Variants in HSD17B14 observed in about 807,000 individuals in gnomAD.
The protein encoded by HSD17B14 is L-fucose dehydrogenase.
HSD17B14 carries 32 observed loss-of-function variants against 32.2 expected under a neutral mutation model. The observed-to-expected ratio is 0.99, with a 90% CI of 0.75 to 1.33. The LOEUF is 1.33. Ranked by LOEUF, HSD17B14 falls within the 40% of genes most tolerant of loss-of-function variation. The pLI is 0.00. For missense variants in HSD17B14, 370 were observed against 366.5 expected (o/e 1.01, Z -0.08); for synonymous variants, 140 against 155.4 (o/e 0.90, Z 0.74).
At chr19:48,813,761 A>T in intron 6 of HSD17B14, 31 bp from the exon 7 acceptor site, 1 of 1,612,926 alleles carries the variant, frequency 6.2e-7, no homozygotes. Context: ...AAGAAAGTTC[A>T]GTCCCCGGGA....
chr19:48,820,963 A>C (rs978683512), intron 5 of HSD17B14, among the ~76,000 whole-genome samples: 1 of 151,998 alleles, frequency 6.6e-6, no homozygotes, highest in Non-Finnish European at 1.5e-5. Flanking sequence ...GGGCCTCCCA[A>C]AATGCTAGGA....
intron 5 of HSD17B14, among the ~76,000 whole-genome samples, chr19:48,822,364 G>A (rs1400739969): frequency 1.3e-5 from 2 of 150,952 alleles, no homozygotes; most frequent in Non-Finnish European, 1.5e-5. Context: ...TGGCAATGAT[G>A]GTGATGCTGA....
At chr19:48,818,900 C>T (rs115460069) in intron 5 of HSD17B14, among the ~76,000 whole-genome samples, 5 of 152,132 alleles carry the variant, frequency 3.3e-5, no homozygotes, top group Admixed American at 2.6e-4. Flanking sequence ...CCAGTGTGGC[C>T]GGAGGTGAGG....
intron 5 of HSD17B14, among the ~76,000 whole-genome samples, chr19:48,820,934 C>T (rs1190810758): frequency 2.6e-5 from 4 of 151,952 alleles, no homozygotes; most frequent in African/African-American, 7.2e-5. Flanking sequence ...AAACCCCTGA[C>T]CTTGTGATCT....
intron 3 of HSD17B14, 166 bp from the exon 4 acceptor site, chr19:48,832,898 C>T (rs3760787): frequency 0.24 from 146,833 of 617,984 alleles, 18,079 homozygotes; most frequent in South Asian, 0.26. Context: ...GGATTACAGG[C>T]GACTGCCACC....
At chr19:48,813,585 C>T in intron 7 of HSD17B14, 33 bp from the exon 8 acceptor site, 1 of 1,612,860 alleles carries the variant, frequency 6.2e-7, no homozygotes, top group Non-Finnish European at 8.5e-7. Flanking sequence ...TCAAAGCAAT[C>T]TGTCTCGAAC....
At chr19:48,816,431 T>C (rs1025797485) in intron 5 of HSD17B14, among the ~76,000 whole-genome samples, 4 of 152,218 alleles carry the variant, frequency 2.6e-5, no homozygotes, top group African/African-American at 9.6e-5. Context: ...TTGAACTTGC[T>C]GTTCCCTCTG....
chr19:48,826,542 T>TACACACACAC (rs374655614), intron 5 of HSD17B14, among the ~76,000 whole-genome samples: 5 of 80,118 alleles, frequency 6.2e-5, no homozygotes, highest in African/African-American at 2.6e-4. Flanking sequence ...TATATATATA[T>TACACACACAC]ACACACACAC....
chr19:48,836,470 C>G lies in HSD17B14; in HGVS notation c.-59G>C, dbSNP rs1157501263. ...TGGGCCTCTTTCACCTCCAAAGCCCCGTGAGGCCGTCGCATCAAATCCTCA... is the reference window on the plus strand; with the variant it reads ...TGGGCCTCTTTCACCTCCAAAGCCCGGTGAGGCCGTCGCATCAAATCCTCA... On this transcript the variant is annotated 5_prime_UTR_variant, in exon 1 of 9. Coordinates refer to ENST00000263278, the MANE Select transcript of HSD17B14 (RefSeq NM_016246.3). 1.5e-5 allele frequency: 23 copies of G among 1,551,776 alleles called. No individual in the cohort carries two copies. The highest frequency in any genetic ancestry group is 1.9e-5 in the Non-Finnish European group (21 of 1,129,180).
intron 6 of HSD17B14, 143 bp downstream of exon 6, chr19:48,814,894 G>T: frequency 1.7e-6 from 1 of 595,512 alleles, no homozygotes; most frequent in Non-Finnish European, 3.1e-6. Flanking sequence ...AGGCAGTTAT[G>T]CCTGGGTGCT....
At chr19:48,829,485 G>A (rs1211607099) in intron 5 of HSD17B14, among the ~76,000 whole-genome samples, 2 of 151,816 alleles carry the variant, frequency 1.3e-5, no homozygotes, top group Non-Finnish European at 2.9e-5. Flanking sequence ...TTGAGTAGCT[G>A]GGATTACAGG....
chr19:48,825,116 T>C (rs2122772182), intron 5 of HSD17B14, among the ~76,000 whole-genome samples: 1 of 151,612 alleles, frequency 6.6e-6, no homozygotes, highest in South Asian at 2.1e-4. Flanking sequence ...CGTGTGCCTG[T>C]AGTCCCAGCT....
intron 5 of HSD17B14, among the ~76,000 whole-genome samples, chr19:48,825,338 T>C (rs1172484724): frequency 6.6e-6 from 1 of 151,682 alleles, no homozygotes; most frequent in Non-Finnish European, 1.5e-5. Context: ...TTGAGACAAG[T>C]TCTTACTCTG....
chr19:48,816,810 TC>T (rs1225659616), intron 5 of HSD17B14, among the ~76,000 whole-genome samples: 2 of 86,316 alleles, frequency 2.3e-5, no homozygotes, highest in African/African-American at 1.0e-4. Context: ...TTTCTTTCTT[TC>T]TTTCTTTCTT....
intron 5 of HSD17B14, among the ~76,000 whole-genome samples, chr19:48,819,970 G>A (rs1399622005): frequency 6.6e-6 from 1 of 151,750 alleles, no homozygotes; most frequent in Non-Finnish European, 1.5e-5. Flanking sequence ...ACAACATGGT[G>A]AGACTCCCTC....
intron 2 of HSD17B14, 128 bp from the exon 3 acceptor site, chr19:48,834,486 G>A (rs989857200): frequency 2.9e-5 from 14 of 480,540 alleles, no homozygotes; most frequent in Admixed American, 1.4e-4. Flanking sequence ...GGGAGGAGGG[G>A]CTGAGGTCTG....
intron 4 of HSD17B14, 82 bp from the exon 5 acceptor site, chr19:48,831,841 A>T: frequency 2.6e-6 from 2 of 774,112 alleles, no homozygotes; most frequent in Non-Finnish European, 4.5e-6. Context: ...GCACTTTGGG[A>T]GGCTGAGGCA....
intron 5 of HSD17B14, among the ~76,000 whole-genome samples, chr19:48,823,643 C>T (rs1599834222): frequency 7.0e-6 from 1 of 143,626 alleles, no homozygotes; most frequent in Non-Finnish European, 1.5e-5. Context: ...TTTTTTCTTT[C>T]TTTTTTTTTT....
Position 48,831,683 on chromosome 19 carries a change from C to A in HSD17B14, c.354G>T (p.Thr118=). Residue 118 remains threonine, a synonymous_variant, in exon 5 of 9, where the codon ACG becomes ACT. Coordinates refer to ENST00000263278, the MANE Select transcript of HSD17B14 (RefSeq NM_016246.3). ...CAGCCCTCACCTTGGTCAAGGTGTA[C>A]GTCCCCAGTAGGTTCAGCTCCAGCA... ...RQLLELNLLG[T]YTLTKLALPY... 6.2e-7 allele frequency: 1 copy of A among 1,613,702 alleles called. No individual in the cohort carries two copies. Among genetic ancestry groups the A allele is most frequent in the Non-Finnish European group, 8.5e-7 (1 of 1,179,720 alleles).
Sources: allele counts gnomAD v4.1 joint callset (sites outside exome capture counted in the v4.1 genomes callset), GRCh38; gene constraint gnomAD v4.1.1; transcripts MANE v1.5; gene names NCBI Gene and HGNC (gene_info 2026-07-23, HGNC 2026-07-21).